The following EML6 variants were observed in gnomAD, a reference collection of about 807,000 sequenced individuals.
EML6 encodes EMAP like 6.
EML6 carries 154 observed loss-of-function variants against 240.1 expected under a neutral mutation model. The observed-to-expected ratio is 0.64, with a 90% confidence interval of 0.56 to 0.73. The LOEUF is 0.73. Ranked by LOEUF, EML6 falls within the 30% of genes least tolerant of loss-of-function variation. The pLI, the probability that EML6 is intolerant of heterozygous loss-of-function variation, is 0.00. For missense variants in EML6, 2,964 were observed against 2,474.6 expected, an observed-to-expected ratio of 1.20 and a Z score of -4.20; for synonymous variants, 1,148 against 899.0, an observed-to-expected ratio of 1.28 and a Z score of -4.95.
Position 54,724,959 on chromosome 2 carries a change from C to T in EML6, c.-103C>T. ...TGTGTGTCGCCGCGGAAATCAGCGC[C>T]CTGCGCCGCGCGCTGAGCCCCTGCA... On this transcript the variant is annotated 5_prime_UTR_variant, in exon 2 of 42. Transcript: ENST00000356458. The surrounding 1 kb of genome is among the most constrained non-coding windows in gnomAD (Gnocchi z 5.2). 2 of 981,636 alleles carry T rather than the reference C, an allele frequency of 2.0e-6. No individual in the cohort carries two copies. The highest frequency in any genetic ancestry group is 1.3e-6 in the Non-Finnish European group (1 of 759,884). The allele number at this position is 981,636 out of a possible 1,614,324, so 60.8% of individuals were successfully genotyped here. A position where few individuals can be genotyped will look rare whatever the true frequency, so the allele number is the denominator to read the frequency against.
At chr2:54,801,445 C>A (rs183916668) in intron 2 of EML6, among the ~76,000 whole-genome samples, 1 of 152,280 alleles carries the variant, frequency 6.6e-6, no homozygotes, top group African/African-American at 2.4e-5. Context: ...ATGAATTAAC[C>A]ATCTCTGGAG....
chr2:54,907,706 T>C lies in EML6; in HGVS notation c.3410-3248T>C, dbSNP rs557941105. On this transcript the variant is annotated intron_variant, in intron 24 of 41. Transcript: ENST00000356458. Reference sequence around the variant, plus strand: ...TCTATGGTACCCGCAAGATGTGTGATGTAAGGACATGGGTGTCTTTCAGTT... The same window carrying C: ...TCTATGGTACCCGCAAGATGTGTGACGTAAGGACATGGGTGTCTTTCAGTT... Among the ~76,000 whole-genome samples the C allele has an allele frequency of 2.6e-5, 4 of 152,314 alleles. No individual in the cohort carries two copies. In the South Asian group the frequency reaches 8.3e-4, roughly 32 times the overall value.
At position 54,823,868 on chromosome 2, in the gene EML6, C is replaced by CTCTCTCTCTCTCTCTCTCTCTCTCTT. The variant is rs1376831009; in HGVS notation, c.525+3415_525+3416insCTCTCTCTCTCTCTCTTTCTCTCTCT. ...TCATTCATTCTCTCTCTCTCTCTCT[C>CTCTCTCTCTCTCTCTCTCTCTCTCTT]TCTCTCTCTTTCTGTCTCTCTCTCT... On this transcript the variant is annotated intron_variant, in intron 5 of 41. Coordinates refer to ENST00000356458, the MANE Select transcript of EML6 (RefSeq NM_001039753.4). 3.3e-3 allele frequency among the ~76,000 whole-genome samples: 483 copies of CTCTCTCTCTCTCTCTCTCTCTCTCTT among 148,210 alleles called. 8 individuals carry two copies. Among genetic ancestry groups the CTCTCTCTCTCTCTCTCTCTCTCTCTT allele is most frequent in the African/African-American group, 0.012 (468 of 38,706 alleles).
chr2:54,829,174 AAC>A (rs1434214509), intron 6 of EML6, among the ~76,000 whole-genome samples, 166 bp from the exon 7 acceptor site: 1 of 152,226 alleles, frequency 6.6e-6, no homozygotes, highest in African/African-American at 2.4e-5. Flanking sequence ...AGCTGAGATG[AAC>A]AGTGTTATAA....
intron 40 of EML6, 98 bp from the exon 41 acceptor site, chr2:54,968,570 A>T: frequency 1.3e-6 from 1 of 769,160 alleles, no homozygotes; most frequent in Non-Finnish European, 2.2e-6. Flanking sequence ...CCAGTGAAGG[A>T]AGGTTCTGGG....
chr2:54,841,313 G>T lies in EML6; in HGVS notation c.848-2734G>T, dbSNP rs528631219. ...CAGGGTGTCTCTACTCCTCCTGGCGGGAATAATACATCGGCCTGTGTGCTT... is the reference window on the plus strand; with the variant it reads ...CAGGGTGTCTCTACTCCTCCTGGCGTGAATAATACATCGGCCTGTGTGCTT... On this transcript the variant is annotated intron_variant, in intron 7 of 41. Transcript: ENST00000356458. Among the ~76,000 whole-genome samples the T allele has an allele frequency of 3.3e-5, 5 of 152,336 alleles. No individual in the cohort carries two copies. The East Asian group carries it at 7.7e-4, about 23-fold the overall frequency.
chr2:54,919,672 T>A (rs1004252840), intron 26 of EML6, among the ~76,000 whole-genome samples: 2 of 152,236 alleles, frequency 1.3e-5, no homozygotes, highest in African/African-American at 2.4e-5. Context: ...AAAAAGTTAG[T>A]GATACCCTGG....
rs148937511 is a variant in EML6 at position 54,768,046 on chromosome 2, T to C, written c.197+42788T>C. Among the ~76,000 whole-genome samples the C allele has an allele frequency of 3.8e-4, 58 of 152,314 alleles. 1 individual carries two copies. The East Asian group carries it at 0.01, about 27-fold the overall frequency. ...TTGTTGTCTAGGTAAGTTTCTTTCA[T>C]TGGTTCAGATGTGGGCCTCTTGAAA... On this transcript the variant is annotated intron_variant, in intron 2 of 41. Transcript: ENST00000356458.
chr2:54,863,947 A>T, intron 13 of EML6, 58 bp downstream of exon 13: 1 of 910,820 alleles, frequency 1.1e-6, no homozygotes, highest in South Asian at 1.6e-5. Flanking sequence ...TCATTCCTGG[A>T]TTTGGACATA....
chr2:54,754,058 C>T (rs1215588866), intron 2 of EML6, among the ~76,000 whole-genome samples: 2 of 151,542 alleles, frequency 1.3e-5, no homozygotes, highest in Admixed American at 6.6e-5. Context: ...TTGCTTGAAC[C>T]CAGGAGGCGG....
chr2:54,739,723 G>T (rs970632686), intron 2 of EML6, among the ~76,000 whole-genome samples: 3 of 152,216 alleles, frequency 2.0e-5, no homozygotes, highest in African/African-American at 7.2e-5. Flanking sequence ...CCATTCATGG[G>T]AGGCGGTTGG....
chr2:54,934,895 C>G (rs1009774152), intron 28 of EML6, among the ~76,000 whole-genome samples: 11 of 152,188 alleles, frequency 7.2e-5, no homozygotes, highest in African/African-American at 2.7e-4. Context: ...CTTGAATTCT[C>G]AAGGGAAAGA....
intron 2 of EML6, chr2:54,746,957 A>T (rs1683942002): frequency 6.6e-6 from 1 of 152,204 alleles, no homozygotes; most frequent in Non-Finnish European, 1.5e-5. Context: ...ACTGAATGTC[A>T]ATTACTGAAT....
intron 6 of EML6, 29 bp downstream of exon 6, chr2:54,827,780 G>T (rs1668667310): frequency 6.7e-7 from 1 of 1,503,420 alleles, no homozygotes; most frequent in South Asian, 1.2e-5. Flanking sequence ...AAATCTGTGG[G>T]TGACCTACCA....
At chr2:54,810,753 G>T (rs1212063231) in intron 2 of EML6, among the ~76,000 whole-genome samples, 1 of 152,122 alleles carries the variant, frequency 6.6e-6, no homozygotes, top group South Asian at 2.1e-4. Flanking sequence ...GCTGTATGAT[G>T]TTCCAGGAAC....
chr2:54,770,507 A>G (rs1204145117), intron 2 of EML6, among the ~76,000 whole-genome samples: 1 of 152,160 alleles, frequency 6.6e-6, no homozygotes, highest in African/African-American at 2.4e-5. Context: ...AAACCACAGT[A>G]TTTCTTAGGG....
intron 18 of EML6, among the ~76,000 whole-genome samples, chr2:54,891,735 C>G (rs1426259904): frequency 6.6e-6 from 1 of 152,122 alleles, no homozygotes. Flanking sequence ...TTATTATGCA[C>G]AAAATGTGAA....
chr2:54,900,425 A>G (rs1672995830), intron 22 of EML6, among the ~76,000 whole-genome samples: 1 of 152,164 alleles, frequency 6.6e-6, no homozygotes, highest in South Asian at 2.1e-4. Context: ...ATATAAAGGG[A>G]TGGGGAAGGT....
intron 2 of EML6, among the ~76,000 whole-genome samples, chr2:54,744,131 G>C (rs951805704): frequency 5.3e-5 from 8 of 151,344 alleles, no homozygotes; most frequent in South Asian, 2.1e-4. Context: ...GGAGAGTTGT[G>C]GGGGGTGGGG....
Sources: gnomAD v4.1 joint callset for allele counts (sites outside exome capture counted in the v4.1 genomes callset) on GRCh38, gnomAD v4.1.1 for gene constraint, Gnocchi (gnomAD v3.1) non-coding constraint, MANE v1.5 for transcripts, NCBI Gene and HGNC (gene_info 2026-07-23, HGNC 2026-07-21) for gene names.